The following CDK12 variants were observed in gnomAD, a reference collection of about 807,000 sequenced individuals.
The protein encoded by CDK12 is cyclin dependent kinase 12, also known as cyclin-dependent kinase 12.
Under a neutral mutation model 133.8 loss-of-function variants are expected in CDK12, and 17 were observed. That is an observed-to-expected ratio of 0.13 (90% CI 0.09 to 0.19). The LOEUF is 0.19. CDK12 is among the 10% of genes least tolerant of loss of function. The pLI is 1.00. For missense variants in CDK12, 1,508 were observed against 1,818.7 expected, an observed-to-expected ratio of 0.83 and a Z score of 3.11; for synonymous variants, 694 against 683.6, an observed-to-expected ratio of 1.02 and a Z score of -0.24.
Position 39,532,532 on chromosome 17 carries a change from A to T in CDK12, c.*1216A>T, listed in dbSNP as rs2054927013. 4 of 232,220 alleles carry T rather than the reference A, an allele frequency of 1.7e-5. No individual in the cohort carries two copies. In the South Asian group the frequency reaches 7.2e-4, roughly 42 times the overall value. The allele number at this position is 232,220 out of a possible 1,614,324, so 14.4% of individuals were successfully genotyped here. A position where few individuals can be genotyped will look rare whatever the true frequency, so the allele number is the denominator to read the frequency against. On this transcript the variant is annotated 3_prime_UTR_variant, in exon 14 of 14. Transcript: ENST00000447079. ...AAAGAGAAAAACAAATCCTGAAGAT[A>T]CATGGAAATGTAACCTAGTTTAGGG... is the stretch of plus-strand genomic sequence containing the variant.
intron 2 of CDK12, among the ~76,000 whole-genome samples, chr17:39,476,723 T>TCTTTTTC: frequency 8.8e-6 from 1 of 113,332 alleles, no homozygotes; most frequent in South Asian, 3.2e-4. Context: ...TTTTTTTTTT[T>TCTTTTTC]TTTTTTTTTT....
exon 1 of CDK12, chr17:39,550,192 A>C (rs1195028266): frequency 6.6e-6 from 1 of 152,138 alleles, no homozygotes; most frequent in African/African-American, 2.4e-5. Context: ...AGACAATCTG[A>C]TATCTGAATA....
chr17:39,520,037 A>T lies in CDK12; in HGVS notation c.3045A>T (p.Leu1015=), dbSNP rs757636720. 3 of 1,614,112 alleles carry T rather than the reference A, an allele frequency of 1.9e-6. 1 individual carries two copies. The South Asian group carries it at 3.3e-5, about 18-fold the overall frequency. The change falls in exon 11 of 14, where the codon CTA becomes CTT. Residue 1015 remains leucine, a synonymous_variant. Transcript: ENST00000447079. ...AGCGGTGCACAGCTGAACAGACCCT[A>T]CAGAGCGACTTCCTTAAAGATGTCG... is the stretch of plus-strand genomic sequence containing the variant. The part of the protein sequence containing the change: ...PSKRCTAEQT[L]QSDFLKDVEL...
At chr17:39,490,761 A>C (rs1257973708) in intron 3 of CDK12, 28 bp downstream of exon 3, 2 of 1,541,728 alleles carry the variant, frequency 1.3e-6, no homozygotes. Context: ...TCTGTCTTTC[A>C]TGATAGTTTT....
chr17:39,473,920 G>C (rs1351907377), intron 2 of CDK12, among the ~76,000 whole-genome samples: 1 of 151,932 alleles, frequency 6.6e-6, no homozygotes, highest in African/African-American at 2.4e-5. Context: ...AGCCAGGCGT[G>C]GTGGCAGGCG....
rs2143278378 is a variant in CDK12 at position 39,533,303 on chromosome 17, T to G, written c.*1987T>G. Reference sequence around the variant, plus strand: ...TTTATACCAGTGTGTCCAGTTAGATTTACTAGGCTTACTGACATGCTATTG... The same window carrying G: ...TTTATACCAGTGTGTCCAGTTAGATGTACTAGGCTTACTGACATGCTATTG... On this transcript the variant is annotated 3_prime_UTR_variant, in exon 14 of 14. Coordinates refer to ENST00000447079, the MANE Select transcript of CDK12 (RefSeq NM_016507.4). The G allele has an allele frequency of 4.3e-6, 1 of 233,090 alleles. No individual in the cohort carries two copies. Among genetic ancestry groups the G allele is most frequent in the East Asian group, 6.0e-5 (1 of 16,650 alleles). The allele number at this position is 233,090 out of a possible 1,614,324, so 14.4% of individuals were successfully genotyped here.
Position 39,471,687 on chromosome 17 carries a change from A to C in CDK12, c.1855A>C (p.Ile619Leu), listed in dbSNP as rs144501352. ...VKTQVSVTAA[I>L]PHLKTSTLPP... ...GACTCAAGTATCTGTAACAGCTGCT[A>C]TTCCACACCTGAAAACTTCAACGTT... The change falls in exon 2 of 14, where the codon ATT (isoleucine) becomes CTT (leucine). Residue 619 changes from isoleucine to leucine, a missense_variant. Physicochemically the swap from Ile to Leu is conservative, Grantham distance 5. Around this residue, in one of 9 missense-constraint regions of CDK12, gnomAD observed 347 missense variants for 330.8 expected, o/e 1.05. Transcript: ENST00000447079. The C allele has an allele frequency of 2.5e-6, 4 of 1,614,128 alleles. No individual in the cohort carries two copies. The highest frequency in any genetic ancestry group is 1.6e-4 in the Middle Eastern group (1 of 6,062).
At chr17:39,553,425 A>C (rs1405960524) in intron 2 of CDK12, among the ~76,000 whole-genome samples, 2 of 151,854 alleles carry the variant, frequency 1.3e-5, no homozygotes, top group African/African-American at 4.9e-5. Context: ...ACTAGAGAGG[A>C]AGCCAGGAGG....
intron 2 of CDK12, among the ~76,000 whole-genome samples, chr17:39,477,907 T>C (rs1488844743): frequency 6.6e-6 from 1 of 151,720 alleles, no homozygotes; most frequent in Non-Finnish European, 1.5e-5. Context: ...GGGGTTTCAC[T>C]ACATTGACCA....
chr17:39,502,298 G>A (rs1567745087), intron 6 of CDK12, among the ~76,000 whole-genome samples: 1 of 151,990 alleles, frequency 6.6e-6, no homozygotes. Context: ...GACTACAGGC[G>A]CCCGCCACCA....
At chr17:39,493,776 C>G (rs1248520298) in intron 4 of CDK12, among the ~76,000 whole-genome samples, 1 of 152,008 alleles carries the variant, frequency 6.6e-6, no homozygotes, top group Non-Finnish European at 1.5e-5. Context: ...GTGGGCAGAT[C>G]ACGAGGTCAG....
At chr17:39,496,073 G>A (rs972947224) in intron 5 of CDK12, among the ~76,000 whole-genome samples, 2 of 151,522 alleles carry the variant, frequency 1.3e-5, no homozygotes, top group East Asian at 2.0e-4. Flanking sequence ...CACCACTCCC[G>A]GCTAATTTTT....
rs12950784 is a variant in CDK12, at chr17:39,526,039, G to A, written c.3483G>A (p.Thr1161=). ...TGAACCAATCCATCAGTGCCCTGAC[G>A]GAAGCTACTTCCCAGCAGCAGGACT... ...EALNQSISAL[T]EATSQQQDSE... The change falls in exon 13 of 14, where the codon ACG becomes ACA. Residue 1161 remains threonine (T), a synonymous_variant. Coordinates refer to ENST00000447079, the MANE Select transcript of CDK12 (RefSeq NM_016507.4). 9.8e-3 allele frequency: 15,836 copies of A among 1,614,138 alleles called. 1,288 individuals are homozygous for A. The African/African-American group carries it at 0.18, about 19-fold the overall frequency.
chr17:39,514,280 A>G (rs768285225), intron 8 of CDK12, among the ~76,000 whole-genome samples: 2 of 152,222 alleles, frequency 1.3e-5, no homozygotes, highest in Non-Finnish European at 2.9e-5. Context: ...TTGTTTTAAC[A>G]TAATTCGTTT....
At chr17:39,545,202 C>T (rs940405438), upstream of CDK12, among the ~76,000 whole-genome samples, 2 of 152,022 alleles carry the variant, frequency 1.3e-5, no homozygotes, top group African/African-American at 2.4e-5. Flanking sequence ...CCCACAACCC[C>T]ATCTATATAC....
chr17:39,539,906 C>T (rs1035600566), intron 1 of CDK12, among the ~76,000 whole-genome samples: 1 of 151,976 alleles, frequency 6.6e-6, no homozygotes, highest in African/African-American at 2.4e-5. Flanking sequence ...AATTGGCTGA[C>T]CAGAATGGTA....
intron 1 of CDK12, among the ~76,000 whole-genome samples, chr17:39,542,138 A>T (rs1597663598): frequency 7.9e-6 from 1 of 126,804 alleles, no homozygotes; most frequent in East Asian, 2.4e-4. Flanking sequence ...AAAGACTGGG[A>T]AATTATATAT....
At position 39,560,073 on chromosome 17, in the gene CDK12, AG is replaced by A. The variant is rs969391619; in HGVS notation, n.484+3662del. Among the ~76,000 whole-genome samples, 150 of 152,296 alleles carry A rather than the reference AG, an allele frequency of 9.8e-4. 1 individual carries two copies. Among genetic ancestry groups the A allele is most frequent in the African/African-American group, 3.5e-3 (146 of 41,576 alleles). ...TAGACTCTCAAGTTGCTGAGACTAC[AG>A]GCATGAGCCACTGTGCCTAGGTTGT... is the stretch of plus-strand genomic sequence containing the variant. On this transcript the variant is annotated intron_variant and non_coding_transcript_variant, in intron 3 of 3. Transcript: ENST00000558240.
intron 3 of CDK12, among the ~76,000 whole-genome samples, chr17:39,560,728 C>T (rs1166225535): frequency 6.6e-6 from 1 of 152,176 alleles, no homozygotes; most frequent in Non-Finnish European, 1.5e-5. Context: ...AAAAGAGCGG[C>T]ACAGGCCATG....
Sources: gnomAD v4.1 joint callset for allele counts (sites outside exome capture counted in the v4.1 genomes callset) on GRCh38, gnomAD v4.1.1 for gene constraint, gnomAD v4.1.1 regional missense constraint, MANE v1.5 for transcripts, NCBI Gene and HGNC (gene_info 2026-07-23, HGNC 2026-07-21) for gene names.